The following MCPH1 variants were observed in gnomAD, a reference collection of about 807,000 sequenced individuals.
The protein encoded by MCPH1 is microcephalin.
Under a neutral mutation model 84.5 loss-of-function variants are expected in MCPH1, and 104 were observed. The ratio of observed to expected loss-of-function variants is 1.23; its 90% CI spans 1.05 to 1.45. The LOEUF is 1.45. Ranked by LOEUF, MCPH1 falls within the 40% of genes most tolerant of loss-of-function variation. The pLI is 0.00. For synonymous variants in MCPH1, 514 were observed against 366.8 expected, an observed-to-expected ratio of 1.40 and a Z score of -4.58; for missense variants, 1,498 against 1,005.7, an observed-to-expected ratio of 1.49 and a Z score of -6.62.
chr8:6,492,916 C>G (rs773062626), intron 11 of MCPH1, among the ~76,000 whole-genome samples: 1 of 151,998 alleles, frequency 6.6e-6, no homozygotes, highest in African/African-American at 2.4e-5. Context: ...CTTCCTGGTA[C>G]GTGGCTCTAG....
intron 10 of MCPH1, among the ~76,000 whole-genome samples, chr8:6,479,228 C>T (rs1204539614): frequency 1.3e-5 from 2 of 151,906 alleles, no homozygotes; most frequent in Admixed American, 6.6e-5. Flanking sequence ...GATTGTACCA[C>T]TGCACTCCAG....
chr8:6,638,674 GACTGGCATT>G (rs1268666339), intron 13 of MCPH1, among the ~76,000 whole-genome samples: 1 of 152,026 alleles, frequency 6.6e-6, no homozygotes, highest in Non-Finnish European at 1.5e-5. Context: ...CACCGGCCAG[GACTGGCATT>G]ACTCTAACAT....
At chr8:6,549,370 T>G (rs1329605688) in intron 12 of MCPH1, among the ~76,000 whole-genome samples, 2 of 152,216 alleles carry the variant, frequency 1.3e-5, no homozygotes, top group Non-Finnish European at 2.9e-5. Flanking sequence ...ATTGTTCCAA[T>G]TACATGACAT....
chr8:6,486,262 A>ATC (rs56247663), intron 11 of MCPH1, among the ~76,000 whole-genome samples: 16,247 of 147,034 alleles, frequency 0.11, 1,009 homozygotes, highest in African/African-American at 0.19. Flanking sequence ...TGTACAAGGA[A>ATC]TCTCTCTCTC....
At chr8:6,576,790 C>A (rs79531204) in intron 12 of MCPH1, among the ~76,000 whole-genome samples, 1,936 of 143,632 alleles carry the variant, frequency 0.013, 38 homozygotes, top group African/African-American at 0.044. Context: ...TCAGGTGATC[C>A]GTCCGCAGGT....
chr8:6,455,164 GGCA>G lies in MCPH1; in HGVS notation c.1848_1850del (p.Arg616_His617delinsSer). The G allele has an allele frequency of 6.2e-7, 1 of 1,613,962 alleles. No homozygotes were observed. The highest frequency in any genetic ancestry group is 8.5e-7 in the Non-Finnish European group (1 of 1,179,916). On this transcript the variant is annotated inframe_deletion, in exon 9 of 14. Coordinates refer to ENST00000344683, the MANE Select transcript of MCPH1 (RefSeq NM_024596.5). ...TTAGGTGTTAAAAATAGACCAACAA[GGCA>G]TGATGTTTTAGATGACTCATGTGAC...
intron 3 of MCPH1, among the ~76,000 whole-genome samples, chr8:6,418,000 G>T: frequency 6.6e-6 from 1 of 152,214 alleles, no homozygotes. Flanking sequence ...TATGTGGGCA[G>T]TTGCTTAGAT....
In MCPH1 at chr8:6,643,328, A is replaced by T. The variant is rs917337854; in HGVS notation, c.*279A>T. The T allele has an allele frequency of 1.6e-5, 7 of 438,258 alleles. No individual in the cohort carries two copies. Among genetic ancestry groups the T allele is most frequent in the Non-Finnish European group, 2.9e-5 (7 of 240,086 alleles). 27.1% of individuals were successfully genotyped at this position (438,258 alleles called of 1,614,324 possible). On this transcript the variant is annotated 3_prime_UTR_variant, in exon 14 of 14. Transcript: ENST00000344683. ...TTCCCAGGCTGGAGTGCAATGGCAC[A>T]ATCTCGGCTCACTGCAACCTCCACC...
intron 12 of MCPH1, among the ~76,000 whole-genome samples, chr8:6,541,386 C>T (rs563605992): frequency 1.3e-5 from 2 of 152,220 alleles, no homozygotes; most frequent in Admixed American, 1.3e-4. Context: ...GTATTTATAG[C>T]CCCCAGTCAG....
Position 6,437,400 on chromosome 8 carries a change from T to G in MCPH1, c.436+1238T>G, listed in dbSNP as rs1429994606. Among the ~76,000 whole-genome samples the G allele has an allele frequency of 4.6e-5, 7 of 151,910 alleles. No homozygotes were observed. The East Asian group carries it at 1.2e-3, about 25-fold the overall frequency. ...GGCGTACCACCACGCCCAGCTGATTTTTGTATTTTTAGTAGAAACAGGGTT... is the reference window on the plus strand; with the variant it reads ...GGCGTACCACCACGCCCAGCTGATTGTTGTATTTTTAGTAGAAACAGGGTT... On this transcript the variant is annotated intron_variant, in intron 5 of 13. Coordinates refer to ENST00000344683, the MANE Select transcript of MCPH1 (RefSeq NM_024596.5).
chr8:6,513,869 A>C (rs373029452), intron 12 of MCPH1: 1 of 1,580,784 alleles, frequency 6.3e-7, no homozygotes, highest in Non-Finnish European at 8.6e-7. Context: ...GTTAAATTCA[A>C]TTATTTCATG....
At chr8:6,457,330 T>G (rs75406121) in intron 9 of MCPH1, among the ~76,000 whole-genome samples, 2 of 151,708 alleles carry the variant, frequency 1.3e-5, no homozygotes, top group African/African-American at 2.4e-5. Context: ...TGGTGGCTCA[T>G]GCCTATAATC....
intron 13 of MCPH1, among the ~76,000 whole-genome samples, chr8:6,637,981 G>C (rs1426020206): frequency 6.6e-6 from 1 of 152,178 alleles, no homozygotes. Flanking sequence ...CTTGTGTTCT[G>C]AGCTTCCAGA....
chr8:6,432,820 T>C (rs1375993719), intron 4 of MCPH1, among the ~76,000 whole-genome samples: 1 of 152,276 alleles, frequency 6.6e-6, no homozygotes, highest in Non-Finnish European at 1.5e-5. Flanking sequence ...TTCAGCAGTC[T>C]CTGGACTCCC....
intron 12 of MCPH1, among the ~76,000 whole-genome samples, chr8:6,587,022 T>G (rs1828044545): frequency 6.6e-6 from 1 of 151,810 alleles, no homozygotes; most frequent in Admixed American, 6.6e-5. Context: ...CCCAGCGCTT[T>G]TCATTCGGCT....
chr8:6,495,946 C>T (rs1197790288), intron 11 of MCPH1, among the ~76,000 whole-genome samples: 1 of 152,148 alleles, frequency 6.6e-6, no homozygotes, highest in African/African-American at 2.4e-5. Flanking sequence ...CAGTCTCCAA[C>T]CTTTTTGGCA....
intron 12 of MCPH1, among the ~76,000 whole-genome samples, chr8:6,506,537 T>A (rs886368528): frequency 1.3e-5 from 2 of 152,196 alleles, no homozygotes; most frequent in East Asian, 3.9e-4. Flanking sequence ...AGGAGAGAGC[T>A]GGGTCCAGCA....
intron 9 of MCPH1, among the ~76,000 whole-genome samples, chr8:6,471,205 T>G (rs1807674570): frequency 6.6e-6 from 1 of 152,152 alleles, no homozygotes; most frequent in Non-Finnish European, 1.5e-5. Flanking sequence ...AAAAGGGCTT[T>G]GTAAGCGTTG....
rs1416077966 is a variant in MCPH1 at position 6,646,976 on chromosome 8, T to C, written c.*3927T>C. 1 of 152,092 alleles carries C rather than the reference T, an allele frequency of 6.6e-6. No individual in the cohort carries two copies. Among genetic ancestry groups the C allele is most frequent in the Non-Finnish European group, 1.5e-5 (1 of 68,034 alleles). 9.4% of individuals were successfully genotyped at this position (152,092 alleles called of 1,614,324 possible). A position where few individuals can be genotyped will look rare whatever the true frequency, so the allele number is the denominator to read the frequency against. ...TTGGGCTTTGTCAAAATTTTAAGTTTTGCTCTTCTGAAGAAACCATTAAAA... is the reference window on the plus strand; with the variant it reads ...TTGGGCTTTGTCAAAATTTTAAGTTCTGCTCTTCTGAAGAAACCATTAAAA... On this transcript the variant is annotated 3_prime_UTR_variant, in exon 14 of 14. Transcript: ENST00000344683.
Sources: gnomAD v4.1 joint callset for allele counts (sites outside exome capture counted in the v4.1 genomes callset) on GRCh38, gnomAD v4.1.1 for gene constraint, MANE v1.5 for transcripts, NCBI Gene and HGNC (gene_info 2026-07-23, HGNC 2026-07-21) for gene names.